TBC1D1: variants seen among roughly 807,000 people sequenced by gnomAD.
TBC1D1 encodes TBC1 domain family member 1.
A neutral mutation model predicts 125.6 loss-of-function variants in TBC1D1; 89 were observed. The ratio of observed to expected loss-of-function variants is 0.71; its 90% CI spans 0.60 to 0.85. TBC1D1 has a LOEUF of 0.85. Ranked by LOEUF, TBC1D1 falls within the 40% of genes least tolerant of loss-of-function variation. The pLI is 0.00. For missense variants in TBC1D1, 1,377 were observed against 1,469.2 expected, an observed-to-expected ratio of 0.94 and a Z score of 1.03; for synonymous variants, 565 against 564.1, an observed-to-expected ratio of 1.00 and a Z score of -0.02.
At chr4:37,990,486 A>G (rs911201289) in intron 2 of TBC1D1, among the ~76,000 whole-genome samples, 1 of 152,212 alleles carries the variant, frequency 6.6e-6, no homozygotes, top group Non-Finnish European at 1.5e-5. Context: ...GCTTATGAGT[A>G]AGGAGTTTGT....
chr4:38,136,630 CTG>C (rs1344067029), intron 19 of TBC1D1, among the ~76,000 whole-genome samples: 1 of 152,164 alleles, frequency 6.6e-6, no homozygotes, highest in African/African-American at 2.4e-5. Flanking sequence ...CAGGAGGAAA[CTG>C]TTTTGAGTTT....
intron 13 of TBC1D1, among the ~76,000 whole-genome samples, chr4:38,094,961 C>T (rs1187522705): frequency 6.6e-6 from 1 of 150,446 alleles, no homozygotes; most frequent in African/African-American, 2.4e-5. Flanking sequence ...TTAAATAATA[C>T]ATGATGGTTT....
chr4:38,056,175 GT>G (rs1751672631), intron 12 of TBC1D1, among the ~76,000 whole-genome samples: 1 of 152,196 alleles, frequency 6.6e-6, no homozygotes, highest in Non-Finnish European at 1.5e-5. Context: ...ACGGAAATGT[GT>G]TTGCATCTGT....
At chr4:38,063,137 A>G (rs1469490558) in intron 12 of TBC1D1, among the ~76,000 whole-genome samples, 1 of 152,198 alleles carries the variant, frequency 6.6e-6, no homozygotes, top group Non-Finnish European at 1.5e-5. Context: ...AGTTTAAAGC[A>G]AGTGAATGAC....
At chr4:38,125,179 G>A (rs1305303531) in intron 18 of TBC1D1, 48 bp downstream of exon 20, 4 of 1,570,762 alleles carry the variant, frequency 2.5e-6, no homozygotes, top group Non-Finnish European at 3.5e-6. Context: ...TCCTAGATAT[G>A]TAGAAACTTA....
intron 2 of TBC1D1, among the ~76,000 whole-genome samples, chr4:37,923,678 A>ATT (rs35795968): frequency 1.2e-4 from 14 of 116,180 alleles, no homozygotes; most frequent in Admixed American, 1.9e-4. Flanking sequence ...CCCCCACCCC[A>ATT]TTTTTTTTTT....
chr4:38,070,290 T>C (rs6824237), intron 12 of TBC1D1, among the ~76,000 whole-genome samples: 54,432 of 152,120 alleles, frequency 0.36, 11,412 homozygotes, highest in East Asian at 0.62. Flanking sequence ...TTAATATATT[T>C]ATCCTGTAAT....
intron 18 of TBC1D1, among the ~76,000 whole-genome samples, chr4:38,128,766 T>G (rs1257262204): frequency 1.3e-5 from 2 of 152,192 alleles, no homozygotes; most frequent in Non-Finnish European, 2.9e-5. Flanking sequence ...GAAGCCTTTG[T>G]GGCAGTGTAC....
intron 19 of TBC1D1, among the ~76,000 whole-genome samples, chr4:38,134,052 C>T (rs1766055152): frequency 6.6e-6 from 1 of 152,152 alleles, no homozygotes; most frequent in South Asian, 2.1e-4. Context: ...AGTGCTGTCC[C>T]TGTTAAGGAG....
In TBC1D1 at chr4:38,118,110, C is replaced by A. The variant is rs548753227; in HGVS notation, c.2880C>A (p.Ile960=). Residue 960 remains isoleucine, a synonymous_variant, in exon 17 of 20, where the codon ATC becomes ATA. Coordinates refer to ENST00000261439, the MANE Select transcript of TBC1D1 (RefSeq NM_015173.4). ...ACAATCACCTGGAGGAGCACGAGAT[C>A]GGCCCCAGCCTCTACGCTGCCCCCT... 4 of 1,614,180 alleles carry A rather than the reference C, an allele frequency of 2.5e-6. No individual in the cohort carries two copies. The highest frequency in any genetic ancestry group is 2.2e-5 in the South Asian group (2 of 91,072).
At position 38,051,952 on chromosome 4, in the gene TBC1D1, C is replaced by T. The variant is rs1000991142; in HGVS notation, c.1910+2054C>T. 1.9e-6 allele frequency: 3 copies of T among 1,550,626 alleles called. No individual in the cohort carries two copies. The African/African-American group carries it at 4.1e-5, about 21-fold the overall frequency. ...AAGCACCGCCCAGGTCAGTCTTCAG[C>T]TCCTGCTCCTCCACCTCGTCTTAAC... On this transcript the variant is annotated intron_variant, in intron 11 of 19. Coordinates refer to ENST00000261439, the MANE Select transcript of TBC1D1 (RefSeq NM_015173.4).
At chr4:37,906,161 C>G (rs989607368) in intron 2 of TBC1D1, among the ~76,000 whole-genome samples, 64 of 152,166 alleles carry the variant, frequency 4.2e-4, no homozygotes, top group Middle Eastern at 6.8e-3. Flanking sequence ...TTTTCCCCCC[C>G]GCTTGAGACA....
intron 1 of TBC1D1, among the ~76,000 whole-genome samples, chr4:37,894,177 C>T (rs975192363): frequency 3.9e-5 from 6 of 151,974 alleles, no homozygotes; most frequent in Non-Finnish European, 8.8e-5. Context: ...TTAGTAGAGG[C>T]GAGGTTTCAC....
At chr4:38,066,478 C>T (rs1015386510) in intron 12 of TBC1D1, among the ~76,000 whole-genome samples, 26 of 151,976 alleles carry the variant, frequency 1.7e-4, no homozygotes, top group African/African-American at 4.6e-4. Context: ...ACCACAGGTG[C>T]GCATCACCAC....
chr4:38,074,790 C>A (rs1240961314), intron 12 of TBC1D1, among the ~76,000 whole-genome samples: 1 of 142,904 alleles, frequency 7.0e-6, no homozygotes, highest in African/African-American at 2.6e-5. Context: ...GAGACAAATT[C>A]TTGCTCTGTC....
intron 12 of TBC1D1, among the ~76,000 whole-genome samples, chr4:38,065,906 T>C (rs748062117): frequency 1.3e-5 from 2 of 152,204 alleles, no homozygotes; most frequent in Non-Finnish European, 2.9e-5. Flanking sequence ...CACCTCGGCC[T>C]CCCAAAGTGC....
chr4:37,922,627 T>C (rs1187539283), intron 2 of TBC1D1, among the ~76,000 whole-genome samples: 1 of 152,232 alleles, frequency 6.6e-6, no homozygotes, highest in African/African-American at 2.4e-5. Flanking sequence ...TATTCTCAGT[T>C]CTTTTTCTGT....
chr4:37,947,305 C>T (rs572922177), intron 2 of TBC1D1, among the ~76,000 whole-genome samples: 18 of 152,202 alleles, frequency 1.2e-4, no homozygotes, highest in African/African-American at 3.1e-4. Context: ...TACAGGCGTG[C>T]GCCACCATGC....
At chr4:38,066,282 T>TTA (rs397992991) in intron 12 of TBC1D1, among the ~76,000 whole-genome samples, 2 of 150,656 alleles carry the variant, frequency 1.3e-5, no homozygotes, top group African/African-American at 4.9e-5. Flanking sequence ...TTTTTTTTTT[T>TTA]AGCAAAATTA....
Sources: gnomAD v4.1 joint callset for allele counts (sites outside exome capture counted in the v4.1 genomes callset) on GRCh38, gnomAD v4.1.1 for gene constraint, MANE v1.5 for transcripts, NCBI Gene and HGNC (gene_info 2026-07-23, HGNC 2026-07-21) for gene names.